Variants in CTNND2 observed in about 807,000 individuals in gnomAD.
CTNND2 encodes the protein catenin delta 2.
Under a neutral mutation model 144.4 loss-of-function variants are expected in CTNND2, and 22 were observed. The observed-to-expected ratio is 0.15, with a 90% CI of 0.11 to 0.22. CTNND2 has a LOEUF of 0.22. CTNND2 is among the 10% of genes least tolerant of loss of function. The pLI, the probability that CTNND2 is intolerant of heterozygous loss-of-function variation, is 1.00. For synonymous variants in CTNND2, 751 were observed against 695.6 expected (o/e 1.08, Z -1.25); for missense variants, 1,353 against 1,618.8 (o/e 0.84, Z 2.82).
intron 3 of CTNND2, among the ~76,000 whole-genome samples, chr5:11,537,833 T>C (rs1220224124): frequency 6.6e-6 from 1 of 152,226 alleles, no homozygotes; most frequent in Non-Finnish European, 1.5e-5. Flanking sequence ...ATAAAATACC[T>C]ATTCACAAAC....
chr5:11,692,903 G>A (rs1234054083), intron 2 of CTNND2, among the ~76,000 whole-genome samples: 1 of 152,078 alleles, frequency 6.6e-6, no homozygotes, highest in Non-Finnish European at 1.5e-5. Context: ...CACCCAGCTG[G>A]GTCAACATTT....
In CTNND2 at chr5:11,875,108, C is replaced by T. The variant is rs374115996; in HGVS notation, c.37+28709G>A. On this transcript the variant is annotated intron_variant, in intron 1 of 21. Coordinates refer to ENST00000304623, the MANE Select transcript of CTNND2 (RefSeq NM_001332.4). ...AGTGGATAACTTAAAAATAATTTTC[C>T]TATGGAATCACAAAACCTCTGTCCC... 1.6e-4 allele frequency among the ~76,000 whole-genome samples: 24 copies of T among 152,248 alleles called. No individual in the cohort carries two copies. The East Asian group carries it at 3.9e-3, about 25-fold the overall frequency.
intron 2 of CTNND2, among the ~76,000 whole-genome samples, chr5:11,706,374 T>C (rs902948740): frequency 6.6e-6 from 1 of 152,200 alleles, no homozygotes; most frequent in Non-Finnish European, 1.5e-5. Flanking sequence ...GAGCAAGGGA[T>C]AGGGATGAGG....
intron 10 of CTNND2, among the ~76,000 whole-genome samples, chr5:11,203,657 G>A (rs1737737237): frequency 6.6e-6 from 1 of 152,204 alleles, no homozygotes; most frequent in Non-Finnish European, 1.5e-5. Flanking sequence ...TTACAGGCGT[G>A]AGCCACTGTG....
chr5:11,830,117 A>G (rs1224903834), intron 1 of CTNND2, among the ~76,000 whole-genome samples: 3 of 152,232 alleles, frequency 2.0e-5, no homozygotes, highest in African/African-American at 7.2e-5. Context: ...CCAACATTGT[A>G]TCTAGGAAGT....
intron 11 of CTNND2, among the ~76,000 whole-genome samples, chr5:11,172,966 C>A (rs561578153): frequency 6.6e-6 from 1 of 152,264 alleles, no homozygotes; most frequent in South Asian, 2.1e-4. Flanking sequence ...TGTTTTGGAC[C>A]TAAGGGAAAT....
chr5:11,049,455 C>T (rs563998065), intron 16 of CTNND2, among the ~76,000 whole-genome samples: 5 of 152,228 alleles, frequency 3.3e-5, no homozygotes, highest in African/African-American at 1.2e-4. Context: ...TAACTTTCAA[C>T]CTAATGAAAG....
intron 12 of CTNND2, among the ~76,000 whole-genome samples, chr5:11,136,754 C>T (rs1756194826): frequency 6.6e-6 from 1 of 152,234 alleles, no homozygotes. Context: ...CATGTAGCAG[C>T]TGCAGGGATT....
At chr5:11,507,911 G>T (rs26164) in intron 3 of CTNND2, among the ~76,000 whole-genome samples, 92,367 of 151,788 alleles carry the variant, frequency 0.61, 29,064 homozygotes, top group African/African-American at 0.75. Flanking sequence ...GGGAAACCTC[G>T]TTGAATGGGC....
chr5:11,303,406 T>A (rs1183136258), intron 9 of CTNND2, among the ~76,000 whole-genome samples: 3 of 152,220 alleles, frequency 2.0e-5, no homozygotes, highest in African/African-American at 7.2e-5. Flanking sequence ...TCACACTTTC[T>A]CTATGGCCCT....
chr5:11,401,668 T>G (rs542613034), intron 5 of CTNND2, among the ~76,000 whole-genome samples: 2 of 152,202 alleles, frequency 1.3e-5, no homozygotes, highest in Non-Finnish European at 2.9e-5. Flanking sequence ...CCCATTCAAT[T>G]TTAATGACAT....
intron 1 of CTNND2, among the ~76,000 whole-genome samples, chr5:11,887,875 G>C (rs1449095521): frequency 6.6e-6 from 1 of 152,164 alleles, no homozygotes; most frequent in Non-Finnish European, 1.5e-5. Flanking sequence ...CACATGATTA[G>C]ACTGAGGTTA....
chr5:11,585,906 A>C (rs1177141645), intron 2 of CTNND2, among the ~76,000 whole-genome samples: 4 of 152,122 alleles, frequency 2.6e-5, no homozygotes, highest in African/African-American at 9.7e-5. Flanking sequence ...TGCAGAATCC[A>C]AGTTCTAGGG....
intron 8 of CTNND2, among the ~76,000 whole-genome samples, chr5:11,361,967 T>A (rs1756497129): frequency 6.6e-6 from 1 of 152,182 alleles, no homozygotes; most frequent in Admixed American, 6.5e-5. Flanking sequence ...GGTCTATTCT[T>A]AAGGGCAGAA....
At chr5:11,017,140 C>G (rs759745308) in intron 18 of CTNND2, among the ~76,000 whole-genome samples, 4 of 151,350 alleles carry the variant, frequency 2.6e-5, no homozygotes, top group Non-Finnish European at 4.4e-5. Context: ...CACAATAAAA[C>G]AACAACTTCT....
Position 11,384,406 on chromosome 5 carries a change from GAGAGAGAAGAGA to G in CTNND2, c.1177+247_1177+258del, listed in dbSNP as rs1372002573. ...TAGTCTTTAGGCTGGGGAGAGGGCA[GAGAGAGAAGAGA>G]GGAGAGAAGAGAGTGATATAGGTGT... On this transcript the variant is annotated intron_variant, in intron 7 of 21. Coordinates refer to ENST00000304623, the MANE Select transcript of CTNND2 (RefSeq NM_001332.4). This position sits in a 1 kb window ranked among gnomAD's most constrained non-coding sequence, Gnocchi z 5.2. 5 of 513,030 alleles carry G rather than the reference GAGAGAGAAGAGA, an allele frequency of 9.7e-6. No homozygotes were observed. Among genetic ancestry groups the G allele is most frequent in the Non-Finnish European group, 1.7e-5 (5 of 291,632 alleles). 31.8% of individuals were successfully genotyped at this position (513,030 alleles called of 1,614,324 possible).
chr5:11,473,558 A>C (rs1211071994), intron 3 of CTNND2, among the ~76,000 whole-genome samples: 1 of 152,222 alleles, frequency 6.6e-6, no homozygotes, highest in Non-Finnish European at 1.5e-5. Context: ...GGTGCTGAGA[A>C]GTCACTGAAA....
chr5:11,786,283 C>T (rs952239441), intron 1 of CTNND2, among the ~76,000 whole-genome samples: 4 of 152,194 alleles, frequency 2.6e-5, no homozygotes, highest in African/African-American at 9.7e-5. Context: ...AGACTGCCCT[C>T]TCAGAAGGGA....
intron 3 of CTNND2, among the ~76,000 whole-genome samples, chr5:11,552,159 C>A (rs1338485747): frequency 6.6e-6 from 1 of 152,180 alleles, no homozygotes; most frequent in Non-Finnish European, 1.5e-5. Context: ...AGACATTAAA[C>A]CCTTGGGAAT....
Sources: allele counts gnomAD v4.1 joint callset (sites outside exome capture counted in the v4.1 genomes callset), GRCh38; gene constraint gnomAD v4.1.1; non-coding constraint Gnocchi (gnomAD v3.1); transcripts MANE v1.5; gene names NCBI Gene and HGNC (gene_info 2026-07-23, HGNC 2026-07-21).